Variants in MAN2A2 observed in about 807,000 individuals in gnomAD.
MAN2A2 encodes alpha-mannosidase 2x.
MAN2A2 carries 79 observed loss-of-function variants against 126.8 expected under a neutral mutation model. That is an observed-to-expected ratio of 0.62 (90% CI 0.52 to 0.75). MAN2A2 has a LOEUF of 0.75. Among genes scored for constraint, MAN2A2 ranks in the 30% least tolerant of loss-of-function variants. The probability of loss-of-function intolerance (pLI) is 0.00; values close to 1 mark genes in which losing one functional copy is unlikely to be tolerated. For synonymous variants in MAN2A2, 671 were observed against 618.7 expected (o/e 1.08, Z -1.25); for missense variants, 1,392 against 1,522.4 (o/e 0.91, Z 1.43).
chr15:90,910,357 C>T (rs1356852494), intron 10 of MAN2A2, 65 bp downstream of exon 10: 2 of 1,593,876 alleles, frequency 1.3e-6, no homozygotes, highest in Non-Finnish European at 1.7e-6. Flanking sequence ...TAAGGAGGGG[C>T]TGGATTGGCT....
Position 90,910,232 on chromosome 15 carries a change from GC to G in MAN2A2, c.1518del (p.Tyr507IlefsTer11). On this transcript the variant is annotated frameshift_variant, in exon 10 of 23. Transcript: ENST00000559717. LOFTEE classifies it high-confidence loss of function. ...GACCGGGAGGATCATTACTGGACAG[GC>G]TATTACACTTCCCGGCCCTTCTACA... ...YADREDHYWT[G>X]YYTSRPFYKS... 1 of 1,614,170 alleles carries G rather than the reference GC, an allele frequency of 6.2e-7. No homozygotes were observed. Among genetic ancestry groups the G allele is most frequent in the South Asian group, 1.1e-5 (1 of 91,088 alleles).
At chr15:90,909,989 C>G in intron 9 of MAN2A2, 101 bp from the exon 10 acceptor site, 1 of 1,008,152 alleles carries the variant, frequency 9.9e-7, no homozygotes, top group Non-Finnish European at 1.5e-6. Flanking sequence ...GTTCCTGCTT[C>G]TGAGGCCAGA....
rs989003090 is a variant in MAN2A2, at chr15:90,919,739, C to G, written c.3405C>G (p.Val1135=). The G allele has an allele frequency of 3.7e-6, 6 of 1,614,094 alleles. No individual in the cohort carries two copies. The African/African-American group carries it at 6.7e-5, about 18-fold the overall frequency. ...CCTCCCCGTCCAACAGCACTGACGT[C>G]TATTTGGAGCCCATGGAGATTGCTA... ...PLASPSNSTD[V]YLEPMEIATF... is the part of the protein sequence containing the mutation. The change falls in exon 23 of 23, where the codon GTC becomes GTG. Residue 1135 remains valine, a synonymous_variant. Coordinates refer to ENST00000559717, the MANE Select transcript of MAN2A2 (RefSeq NM_006122.4).
chr15:90,918,443 C>T (rs1189016190), intron 21 of MAN2A2, 55 bp downstream of exon 21: 7 of 1,552,284 alleles, frequency 4.5e-6, no homozygotes, highest in Non-Finnish European at 4.4e-6. Flanking sequence ...GTGTCCCTCC[C>T]TGCTCAGCTC....
intron 8 of MAN2A2, among the ~76,000 whole-genome samples, chr15:90,908,498 A>G (rs895750515): frequency 2.6e-5 from 4 of 152,302 alleles, no homozygotes; most frequent in South Asian, 4.1e-4. Context: ...AGAAATGTTT[A>G]TATATAGTTC....
At chr15:90,913,469 CT>C in intron 18 of MAN2A2, 63 bp downstream of exon 18, 1 of 1,578,670 alleles carries the variant, frequency 6.3e-7, no homozygotes, top group Non-Finnish European at 8.7e-7. Context: ...GCTTTTGCCC[CT>C]GTCACAGGCC....
At chr15:90,905,106 G>A (rs576908798) in intron 2 of MAN2A2, 145 bp from the exon 3 acceptor site, 45 of 812,052 alleles carry the variant, frequency 5.5e-5, no homozygotes, top group East Asian at 4.3e-4. Context: ...TTATCTGAAC[G>A]GTGTCATCTA....
rs538730883 is a variant in MAN2A2, at chr15:90,918,745, G to A, written c.3290G>A (p.Ser1097Asn). 6 of 1,521,184 alleles carry A rather than the reference G, an allele frequency of 3.9e-6. No individual in the cohort carries two copies. The highest frequency in any genetic ancestry group is 1.7e-5 in the Admixed American group (1 of 59,834). 94.2% of individuals were successfully genotyped at this position (1,521,184 alleles called of 1,614,324 possible). Residue 1097 changes from serine to asparagine, a missense_variant, in exon 22 of 23, where the codon AGC becomes AAC. Coordinates refer to ENST00000559717, the MANE Select transcript of MAN2A2 (RefSeq NM_006122.4). ...AACTTGGGCTTCAACTGCACCACAAGCCAAGGCAAGGTGAGTAGGGTGGGG... is the reference window on the plus strand; with the variant it reads ...AACTTGGGCTTCAACTGCACCACAAACCAAGGCAAGGTGAGTAGGGTGGGG... The part of the protein sequence containing the change: ...AKNLGFNCTT[S>N]QGKVALGSLF...
chr15:90,914,259 G>T (rs1399288302), intron 19 of MAN2A2, among the ~76,000 whole-genome samples: 2 of 152,200 alleles, frequency 1.3e-5, no homozygotes, highest in African/African-American at 4.8e-5. Context: ...GAGCCCAGGA[G>T]CTGGAGGCTG....
At chr15:90,913,853 T>C in intron 19 of MAN2A2, 98 bp downstream of exon 19, 1 of 1,413,208 alleles carries the variant, frequency 7.1e-7, no homozygotes, top group Admixed American at 2.7e-5. Context: ...CCTTGCCTCT[T>C]TCTGGACTGC....
At chr15:90,913,173 C>G in intron 17 of MAN2A2, 100 bp from the exon 18 acceptor site, 1 of 1,457,042 alleles carries the variant, frequency 6.9e-7, no homozygotes, top group Non-Finnish European at 9.4e-7. Flanking sequence ...GGAGGTTGGA[C>G]AGAGCCTCTC....
chr15:90,906,979 C>A, intron 7 of MAN2A2, 66 bp downstream of exon 7: 1 of 1,564,980 alleles, frequency 6.4e-7, no homozygotes, highest in Non-Finnish European at 8.7e-7. Context: ...GCAGGGATAT[C>A]AGAACTAAGA....
Position 90,908,867 on chromosome 15 carries a change from C to T in MAN2A2, c.1197-460C>T, listed in dbSNP as rs542190897. Among the ~76,000 whole-genome samples, 5 of 152,264 alleles carry T rather than the reference C, an allele frequency of 3.3e-5. No homozygotes were observed. In the South Asian group the frequency reaches 6.2e-4, roughly 19 times the overall value. On this transcript the variant is annotated intron_variant, in intron 8 of 22. Transcript: ENST00000559717. ...CTGGGATTACAGGTGTGAGCCACTG[C>T]GCTCGGCCCATTCAATCCATTTTAA...
chr15:90,914,525 G>GT (rs576985721), intron 19 of MAN2A2, among the ~76,000 whole-genome samples: 44 of 150,628 alleles, frequency 2.9e-4, no homozygotes, highest in Non-Finnish European at 4.3e-4. Context: ...CTTTTTTTTT[G>GT]TTTTTTTGTT....
At chr15:90,914,476 G>T (rs1430680901) in intron 19 of MAN2A2, among the ~76,000 whole-genome samples, 1 of 152,196 alleles carries the variant, frequency 6.6e-6, no homozygotes, top group Non-Finnish European at 1.5e-5. Flanking sequence ...ATTACATACT[G>T]TTTTCCTTCC....
chr15:90,906,472 A>T lies in MAN2A2; in HGVS notation c.810A>T (p.Gly270=), dbSNP rs12594307. 0.047 allele frequency: 75,165 copies of T among 1,614,088 alleles called. 8,193 individuals carry two copies. The highest frequency in any genetic ancestry group is 0.41 in the East Asian group (18,467 of 44,862). Residue 270 remains glycine, a synonymous_variant, in exon 6 of 23, where the codon GGA becomes GGT. Transcript: ENST00000559717. ...CATTGATTGACCAGCTCATCGAAGG[A>T]CACCAGTGGCTGGAGAGAAATCTTG... ...YFALIDQLIE[G]HQWLERNLGA...
In MAN2A2 at chr15:90,916,136, GA is replaced by G; in HGVS notation, c.2875del (p.Ile959SerfsTer6). 1 of 1,614,078 alleles carries G rather than the reference GA, an allele frequency of 6.2e-7. No individual in the cohort carries two copies. Among genetic ancestry groups the G allele is most frequent in the East Asian group, 2.2e-5 (1 of 44,872 alleles). ...SSLKDGQLEV[I>X]LDRRLMQDDN... ...TTGCTTCCCCAGGCCAGCTGGAGGT[GA>G]TCTTGGACCGGCGGCTGATGCAGGA... On this transcript the variant is annotated frameshift_variant, in exon 20 of 23. Coordinates refer to ENST00000559717, the MANE Select transcript of MAN2A2 (RefSeq NM_006122.4). LOFTEE classifies it high-confidence loss of function.
chr15:90,909,396 T>C lies in MAN2A2; in HGVS notation c.1266T>C (p.Pro422=). The change falls in exon 9 of 23, where the codon CCT becomes CCC. Residue 422 remains proline, a synonymous_variant. Transcript: ENST00000559717. The stretch of plus-strand genomic sequence containing the variant: ...TCCGAAGCAACGTCCTCCTGGTGCC[T>C]CTTGGAGATGACTTCCGATATGACA... ...QLFRSNVLLV[P]LGDDFRYDKP... is the part of the protein sequence containing the mutation. The C allele has an allele frequency of 6.2e-7, 1 of 1,614,136 alleles. No homozygotes were observed. The highest frequency in any genetic ancestry group is 2.2e-5 in the East Asian group (1 of 44,884).
chr15:90,919,583 C>A lies in MAN2A2; in HGVS notation c.3301-52C>A. On this transcript the variant is annotated intron_variant, in intron 22 of 22. Transcript: ENST00000559717. The stretch of plus-strand genomic sequence containing the variant: ...CAAATTGTAGATGAACAGCCACATT[C>A]TTTAGTGTCTCGGCACCTAGCACAA... 4 of 1,597,048 alleles carry A rather than the reference C, an allele frequency of 2.5e-6. No individual in the cohort carries two copies. In the Middle Eastern group the frequency reaches 5.7e-4, roughly 226 times the overall value.
Sources: gnomAD v4.1 joint callset for allele counts (sites outside exome capture counted in the v4.1 genomes callset) on GRCh38, gnomAD v4.1.1 for gene constraint, MANE v1.5 for transcripts, NCBI Gene and HGNC (gene_info 2026-07-23, HGNC 2026-07-21) for gene names.